Variants in ZC3H12B observed in about 807,000 individuals in gnomAD.
The protein encoded by ZC3H12B is probable ribonuclease ZC3H12B.
Under a neutral mutation model 43.9 loss-of-function variants are expected in ZC3H12B, and 7 were observed. The observed-to-expected ratio is 0.16, with a 90% CI of 0.09 to 0.30. The LOEUF (loss-of-function observed/expected upper bound fraction) is 0.30, where lower values mean the gene tolerates loss of function less well. ZC3H12B is among the 10% of genes least tolerant of loss of function. The pLI is 1.00. For synonymous variants in ZC3H12B, 222 were observed against 241.7 expected (o/e 0.92, Z 0.76); for missense variants, 475 against 670.2 (o/e 0.71, Z 3.22).
the ZC3H12B span, among the ~76,000 whole-genome samples, chrX:65,112,000 A>T: frequency 1.8e-5 from 2 of 112,405 alleles, no homozygotes; most frequent in Non-Finnish European, 3.8e-5. Context: ...AAGCCAAGAT[A>T]GTCTGAAAAC....
At chrX:65,327,551 T>C in the ZC3H12B span, among the ~76,000 whole-genome samples, 2 of 111,399 alleles carry the variant, frequency 1.8e-5, no homozygotes, top group Non-Finnish European at 3.8e-5. Flanking sequence ...AAGGATGAGC[T>C]CTTTATGCAC....
At chrX:65,226,582 C>T in the ZC3H12B span, among the ~76,000 whole-genome samples, 1 of 111,421 alleles carries the variant, frequency 9.0e-6, no homozygotes, top group African/African-American at 3.3e-5. Flanking sequence ...AAGACACAGA[C>T]TGGCAAATTG....
intron 3 of ZC3H12B, among the ~76,000 whole-genome samples, chrX:65,467,358 G>T (rs190944505): frequency 9.0e-6 from 1 of 110,507 alleles, no homozygotes; most frequent in Non-Finnish European, 1.9e-5. Context: ...TTTGTTGGTG[G>T]GCACTTATGT....
the ZC3H12B span, among the ~76,000 whole-genome samples, chrX:65,316,493 A>T: frequency 4.5e-5 from 5 of 112,114 alleles, no homozygotes; most frequent in Non-Finnish European, 9.4e-5. Flanking sequence ...ATTGGGGCCT[A>T]TATTAAGCAT....
At chrX:65,040,171 A>T in the ZC3H12B span, among the ~76,000 whole-genome samples, 4 of 111,352 alleles carry the variant, frequency 3.6e-5, no homozygotes, top group Non-Finnish European at 7.5e-5. Flanking sequence ...TGGGGGTGTG[A>T]CATAAGTAAT....
the ZC3H12B span, among the ~76,000 whole-genome samples, chrX:65,287,908 C>T: frequency 9.3e-6 from 1 of 107,363 alleles, no homozygotes; most frequent in Non-Finnish European, 1.9e-5. Flanking sequence ...GCTAGACTAA[C>T]CAAGATGAGA....
chrX:65,120,546 A>G, the ZC3H12B span, among the ~76,000 whole-genome samples: 421 of 111,455 alleles, frequency 3.8e-3, 1 homozygote, highest in African/African-American at 0.013. Context: ...AGGAGATTTT[A>G]GGCTGAGACG....
At chrX:65,158,577 G>C in the ZC3H12B span, among the ~76,000 whole-genome samples, 1 of 112,070 alleles carries the variant, frequency 8.9e-6, no homozygotes, top group Non-Finnish European at 1.9e-5. Flanking sequence ...CTTCTTTTGA[G>C]AAGTGTCTGT....
At chrX:65,146,833 A>G in the ZC3H12B span, among the ~76,000 whole-genome samples, 3 of 111,770 alleles carry the variant, frequency 2.7e-5, no homozygotes, top group Non-Finnish European at 3.8e-5. Flanking sequence ...TCTGTCAACC[A>G]TAGATACAAG....
At chrX:65,281,387 G>T in the ZC3H12B span, among the ~76,000 whole-genome samples, 1 of 110,114 alleles carries the variant, frequency 9.1e-6, no homozygotes, top group Admixed American at 9.7e-5. Flanking sequence ...GGTGTGATCT[G>T]GCTGATTTTT....
At chrX:65,296,243 A>G in the ZC3H12B span, among the ~76,000 whole-genome samples, 1 of 111,648 alleles carries the variant, frequency 9.0e-6, no homozygotes, top group East Asian at 2.8e-4. Flanking sequence ...ATTTTAAGTG[A>G]AGTAACTCAG....
At chrX:65,259,503 C>T in the ZC3H12B span, among the ~76,000 whole-genome samples, 1 of 111,611 alleles carries the variant, frequency 9.0e-6, no homozygotes, top group Non-Finnish European at 1.9e-5. Context: ...TAGGACCTAC[C>T]AAAGAATTCA....
At chrX:65,356,630 T>C in the ZC3H12B span, among the ~76,000 whole-genome samples, 4 of 112,245 alleles carry the variant, frequency 3.6e-5, no homozygotes, top group Non-Finnish European at 7.5e-5. Flanking sequence ...TAAAGTTATA[T>C]TTTGTATATT....
At chrX:65,207,568 T>G in the ZC3H12B span, among the ~76,000 whole-genome samples, 1 of 110,539 alleles carries the variant, frequency 9.0e-6, no homozygotes, top group East Asian at 2.9e-4. Flanking sequence ...ACCAAAATCT[T>G]AGAAATTAAC....
the ZC3H12B span, among the ~76,000 whole-genome samples, chrX:65,099,867 T>A: frequency 9.0e-6 from 1 of 111,568 alleles, no homozygotes; most frequent in Non-Finnish European, 1.9e-5. Context: ...GGGTGCAAAC[T>A]GGACAGAGAA....
chrX:65,349,471 G>A, the ZC3H12B span, among the ~76,000 whole-genome samples: 21 of 111,260 alleles, frequency 1.9e-4, no homozygotes, highest in South Asian at 7.1e-3. Flanking sequence ...AAGCAACAGC[G>A]AACAAATTCA....
the ZC3H12B span, among the ~76,000 whole-genome samples, chrX:65,204,760 T>TA: frequency 8.9e-6 from 1 of 112,283 alleles, no homozygotes; most frequent in African/African-American, 3.2e-5. Context: ...AATTAGCTCT[T>TA]AAAAACCTCA....
chrX:65,298,628 C>T, the ZC3H12B span, among the ~76,000 whole-genome samples: 4 of 111,408 alleles, frequency 3.6e-5, no homozygotes, highest in Non-Finnish European at 7.5e-5. Context: ...GAAATCAGGA[C>T]CTCACAGAAA....
At chrX:65,461,850 AAAAAT>A (rs1237268158) in intron 3 of ZC3H12B, among the ~76,000 whole-genome samples, 5 of 111,097 alleles carry the variant, frequency 4.5e-5, no homozygotes, top group Non-Finnish European at 9.4e-5. Context: ...GCATAATAAA[AAAAAT>A]AAAATAATAA....
Sources: allele counts gnomAD v4.1 joint callset (sites outside exome capture counted in the v4.1 genomes callset), GRCh38; gene constraint gnomAD v4.1.1; transcripts MANE v1.5; gene names NCBI Gene and HGNC (gene_info 2026-07-23, HGNC 2026-07-21).